Variants in CRYBG1 observed in about 807,000 individuals in gnomAD.
CRYBG1 encodes crystallin beta-gamma domain containing 1.
CRYBG1 carries 139 observed loss-of-function variants against 189.2 expected under a neutral mutation model. The ratio of observed to expected loss-of-function variants is 0.73; its 90% confidence interval spans 0.64 to 0.85. CRYBG1 has a LOEUF of 0.85. Among genes scored for constraint, CRYBG1 ranks in the 40% least tolerant of loss-of-function variants. The pLI is 0.00. For missense variants in CRYBG1, 2,611 were observed against 2,675.8 expected (o/e 0.98, Z 0.53); for synonymous variants, 1,023 against 1,017.1 (o/e 1.01, Z -0.11).
In CRYBG1 at chr6:106,495,883, T is replaced by G. The variant is rs112322363; in HGVS notation, c.313-15547T>G. Among the ~76,000 whole-genome samples the G allele has an allele frequency of 1.7e-3, 255 of 150,466 alleles. 2 individuals carry two copies. Among genetic ancestry groups the G allele is most frequent in the African/African-American group, 6.0e-3 (247 of 40,846 alleles). ...TTTTCAAATTTCAAAGGCAAAGTGATATTCAACTCCTTGGAAAAAGACTAG... is the reference window on the plus strand; with the variant it reads ...TTTTCAAATTTCAAAGGCAAAGTGAGATTCAACTCCTTGGAAAAAGACTAG... On this transcript the variant is annotated intron_variant, in intron 2 of 21. Transcript: ENST00000633556.
intron 7 of CRYBG1, among the ~76,000 whole-genome samples, chr6:106,527,812 T>A (rs1269244832): frequency 6.6e-6 from 1 of 152,220 alleles, no homozygotes; most frequent in East Asian, 1.9e-4. Context: ...GTATGAGTTC[T>A]GATTACTTTG....
chr6:106,499,865 T>C (rs188999925), intron 2 of CRYBG1, among the ~76,000 whole-genome samples: 1 of 152,326 alleles, frequency 6.6e-6, no homozygotes, highest in Non-Finnish European at 1.5e-5. Flanking sequence ...TTCTACTCTC[T>C]ACTTCTGTAA....
chr6:106,368,622 C>G (rs514902), intron 1 of CRYBG1, among the ~76,000 whole-genome samples: 99,733 of 151,998 alleles, frequency 0.66, 32,797 homozygotes, highest in East Asian at 0.72. Context: ...CATACCTGTA[C>G]AGATTCAAAT....
intron 1 of CRYBG1, among the ~76,000 whole-genome samples, chr6:106,404,177 G>A (rs6937551): frequency 0.051 from 7,795 of 152,266 alleles, 621 homozygotes; most frequent in African/African-American, 0.17. Flanking sequence ...TCTGGAAAGT[G>A]AAGTTGGGAG....
chr6:106,439,430 T>C (rs1172720669), intron 1 of CRYBG1, among the ~76,000 whole-genome samples: 3 of 152,188 alleles, frequency 2.0e-5, no homozygotes, highest in Non-Finnish European at 4.4e-5. Flanking sequence ...AATATGAAGA[T>C]ATTTTAACTG....
chr6:106,468,900 C>T (rs1442321816), intron 2 of CRYBG1, among the ~76,000 whole-genome samples: 1 of 152,198 alleles, frequency 6.6e-6, no homozygotes, highest in Non-Finnish European at 1.5e-5. Context: ...ATTCTTACTC[C>T]CTATGCTTCT....
chr6:106,552,542 G>A (rs138982400), intron 15 of CRYBG1, among the ~76,000 whole-genome samples: 2 of 118,602 alleles, frequency 1.7e-5, no homozygotes, highest in African/African-American at 3.2e-5. Context: ...AGCCGAGATC[G>A]CACCACTGCA....
chr6:106,512,465 G>T lies in CRYBG1; in HGVS notation c.1348G>T (p.Asp450Tyr), dbSNP rs142945856. Residue 450 changes from aspartate to tyrosine, a missense_variant, in exon 3 of 22, where the codon GAC (aspartate) becomes TAC (tyrosine). This residue lies in a region of CRYBG1 where 985 missense variants were observed against 924.4 expected (regional missense o/e 1.07). Transcript: ENST00000633556. ...SAARDDAVFD[D>Y]EVAPNAASDN... ...TGCCAGGGACGACGCGGTGTTCGAC[G>T]ACGAGGTGGCGCCAAACGCGGCCAG... is the stretch of plus-strand genomic sequence containing the variant. 1.2e-5 allele frequency: 20 copies of T among 1,611,154 alleles called. No homozygotes were observed. The highest frequency in any genetic ancestry group is 1.7e-5 in the Admixed American group (1 of 59,822).
At position 106,543,931 on chromosome 6, in the gene CRYBG1, G is replaced by A. The variant is rs529448763; in HGVS notation, c.5039+334G>A. ...GCTGAGCGTGGTGTCACATGCCTGT[G>A]ATCCCAGCTACTTGGGAGGCTGAGG... On this transcript the variant is annotated intron_variant, in intron 11 of 21. Coordinates refer to ENST00000633556, the MANE Select transcript of CRYBG1 (RefSeq NM_001371242.2). 1.7e-3 allele frequency among the ~76,000 whole-genome samples: 256 copies of A among 152,272 alleles called. 2 individuals carry two copies. Among genetic ancestry groups the A allele is most frequent in the African/African-American group, 6.1e-3 (254 of 41,560 alleles).
chr6:106,389,098 T>C (rs556623486), intron 1 of CRYBG1, among the ~76,000 whole-genome samples: 6 of 152,300 alleles, frequency 3.9e-5, no homozygotes, highest in Admixed American at 1.3e-4. Flanking sequence ...AAATTTTCTT[T>C]CCCAAATCTT....
intron 1 of CRYBG1, among the ~76,000 whole-genome samples, chr6:106,424,899 C>T (rs1320484800): frequency 6.6e-6 from 1 of 152,184 alleles, no homozygotes; most frequent in Non-Finnish European, 1.5e-5. Context: ...TCACCTCTGC[C>T]TCACCCTCAA....
intron 1 of CRYBG1, among the ~76,000 whole-genome samples, chr6:106,439,716 T>C (rs1393082030): frequency 6.6e-6 from 1 of 151,946 alleles, no homozygotes; most frequent in Non-Finnish European, 1.5e-5. Flanking sequence ...GAAAAAAACT[T>C]GTTTTGTATC....
At chr6:106,482,660 A>G (rs1260322283) in intron 2 of CRYBG1, among the ~76,000 whole-genome samples, 1 of 152,140 alleles carries the variant, frequency 6.6e-6, no homozygotes, top group Non-Finnish European at 1.5e-5. Flanking sequence ...CTGTATTCCC[A>G]GCTACTTGGG....
intron 2 of CRYBG1, among the ~76,000 whole-genome samples, chr6:106,474,218 A>G (rs963324788): frequency 6.6e-6 from 1 of 152,170 alleles, no homozygotes; most frequent in Non-Finnish European, 1.5e-5. Flanking sequence ...TTTGCTGGGC[A>G]TGGTGGTGTG....
At chr6:106,552,863 T>G (rs907909921) in intron 15 of CRYBG1, among the ~76,000 whole-genome samples, 4 of 152,184 alleles carry the variant, frequency 2.6e-5, no homozygotes, top group Non-Finnish European at 5.9e-5. Flanking sequence ...TAAAATGAAT[T>G]TTCATATTTG....
intron 2 of CRYBG1, among the ~76,000 whole-genome samples, chr6:106,483,378 G>A (rs142527590): frequency 0.037 from 4,201 of 113,770 alleles, 199 homozygotes; most frequent in African/African-American, 0.09. Context: ...GTGTGTGTGT[G>A]TATATATATA....
chr6:106,469,083 C>T (rs1484196900), intron 2 of CRYBG1, among the ~76,000 whole-genome samples: 2 of 152,188 alleles, frequency 1.3e-5, no homozygotes, highest in African/African-American at 2.4e-5. Context: ...ACTCACTGGC[C>T]CTCTCCCCAC....
chr6:106,396,343 C>T (rs554829371), intron 1 of CRYBG1, among the ~76,000 whole-genome samples: 1 of 152,124 alleles, frequency 6.6e-6, no homozygotes, highest in Non-Finnish European at 1.5e-5. Flanking sequence ...ACTGAATGAA[C>T]TTATAAATTC....
chr6:106,512,809 G>A lies in CRYBG1; in HGVS notation c.1692G>A (p.Ala564=), dbSNP rs975646768. ...CGGCCGAGAGCGGGGAGGAGGCGGC[G>A]CGGGCCATCCCCCGCGAGCTCCCGG... The part of the protein sequence containing the change: ...GTAAESGEEA[A]RAIPRELPVK... Residue 564 remains alanine (A), a synonymous_variant, in exon 3 of 22, where the codon GCG becomes GCA. Coordinates refer to ENST00000633556, the MANE Select transcript of CRYBG1 (RefSeq NM_001371242.2). 1 of 1,575,046 alleles carries A rather than the reference G, an allele frequency of 6.3e-7. No homozygotes were observed. The highest frequency in any genetic ancestry group is 8.6e-7 in the Non-Finnish European group (1 of 1,160,044).
Sources: allele counts gnomAD v4.1 joint callset (sites outside exome capture counted in the v4.1 genomes callset), GRCh38; gene constraint gnomAD v4.1.1; regional missense constraint gnomAD v4.1.1; transcripts MANE v1.5; gene names NCBI Gene and HGNC (gene_info 2026-07-23, HGNC 2026-07-21).